PTPRD: variants seen among roughly 807,000 people sequenced by gnomAD.
PTPRD encodes the protein protein tyrosine phosphatase receptor type D.
A neutral mutation model predicts 214.5 loss-of-function variants in PTPRD; 34 were observed. That is an observed-to-expected ratio of 0.16 (90% CI 0.12 to 0.21). The LOEUF is 0.21. Ranked by LOEUF, PTPRD falls within the 10% of genes least tolerant of loss-of-function variation. PTPRD has a pLI of 1.00. For synonymous variants in PTPRD, 1,128 were observed against 845.7 expected, an observed-to-expected ratio of 1.33 and a Z score of -5.79; for missense variants, 2,545 against 2,398.7, an observed-to-expected ratio of 1.06 and a Z score of -1.27.
chr9:10,483,181 G>A (rs2099111540), intron 2 of PTPRD, among the ~76,000 whole-genome samples: 1 of 151,968 alleles, frequency 6.6e-6, no homozygotes, highest in South Asian at 2.1e-4. Context: ...CACAAATTGG[G>A]GAAAGGACAT....
intron 9 of PTPRD, among the ~76,000 whole-genome samples, chr9:9,330,029 C>G (rs1239486154): frequency 6.6e-6 from 1 of 152,096 alleles, no homozygotes; most frequent in Non-Finnish European, 1.5e-5. Flanking sequence ...ACAGGCTTGA[C>G]TAAAAATTTA....
intron 14 of PTPRD, among the ~76,000 whole-genome samples, chr9:8,560,457 ACAC>A (rs1228525677): frequency 1.4e-5 from 2 of 138,342 alleles, no homozygotes. Flanking sequence ...ACACACACAC[ACAC>A]ACACACACAC....
chr9:9,348,163 A>AT (rs1389255541), intron 9 of PTPRD, among the ~76,000 whole-genome samples: 2 of 152,158 alleles, frequency 1.3e-5, no homozygotes, highest in Non-Finnish European at 2.9e-5. Context: ...TTGATTTGGT[A>AT]TCTTTAGAAA....
chr9:8,815,107 A>C (rs1306074162), intron 11 of PTPRD, among the ~76,000 whole-genome samples: 1 of 138,898 alleles, frequency 7.2e-6, no homozygotes, highest in Non-Finnish European at 1.5e-5. Flanking sequence ...TATATAATTT[A>C]GTTTTTTTTT....
chr9:8,984,018 G>C (rs945742214), intron 11 of PTPRD, among the ~76,000 whole-genome samples: 2 of 151,860 alleles, frequency 1.3e-5, no homozygotes, highest in African/African-American at 4.8e-5. Context: ...TCTAAATAGT[G>C]GCAATTTCTA....
chr9:9,830,589 G>C (rs774166258), intron 5 of PTPRD, among the ~76,000 whole-genome samples: 1 of 151,902 alleles, frequency 6.6e-6, no homozygotes, highest in Non-Finnish European at 1.5e-5. Flanking sequence ...AGTCAACAAA[G>C]GGAACAGAGC....
chr9:8,605,956 T>A (rs1373836149), intron 14 of PTPRD, among the ~76,000 whole-genome samples: 1 of 152,128 alleles, frequency 6.6e-6, no homozygotes, highest in Non-Finnish European at 1.5e-5. Context: ...TTTGTTTTTA[T>A]TTTTCGGGGA....
intron 2 of PTPRD, among the ~76,000 whole-genome samples, chr9:10,357,348 G>A (rs9298656): frequency 0.23 from 35,504 of 152,012 alleles, 4,225 homozygotes; most frequent in South Asian, 0.28. Context: ...ACTTGGATTC[G>A]TTCCTTGATA....
At chr9:9,810,712 T>C (rs985781618) in intron 5 of PTPRD, among the ~76,000 whole-genome samples, 71 of 152,262 alleles carry the variant, frequency 4.7e-4, no homozygotes, top group African/African-American at 1.6e-3. Flanking sequence ...TCAATGTTTT[T>C]ATGCCTGCTA....
intron 2 of PTPRD, among the ~76,000 whole-genome samples, chr9:10,478,400 G>C (rs924625447): frequency 2.0e-5 from 3 of 152,150 alleles, no homozygotes; most frequent in African/African-American, 4.8e-5. Flanking sequence ...CTTGATACCT[G>C]TACAAAGGAG....
intron 8 of PTPRD, among the ~76,000 whole-genome samples, chr9:9,529,183 T>C (rs828820): frequency 0.29 from 43,929 of 151,346 alleles, 6,616 homozygotes; most frequent in Non-Finnish European, 0.32. Flanking sequence ...CCGCCCGCCT[T>C]GGCCTCCCAA....
chr9:8,582,465 T>C (rs1048293132), intron 14 of PTPRD, among the ~76,000 whole-genome samples: 5 of 152,202 alleles, frequency 3.3e-5, no homozygotes, highest in East Asian at 1.9e-4. Flanking sequence ...ATGAGGTAGA[T>C]AGGCTAGTCC....
intron 3 of PTPRD, among the ~76,000 whole-genome samples, chr9:10,172,756 A>G (rs1208724762): frequency 6.6e-6 from 1 of 152,170 alleles, no homozygotes; most frequent in African/African-American, 2.4e-5. Flanking sequence ...ATTAAATCCA[A>G]TCACAGGCCT....
chr9:10,111,325 G>A (rs1371772816), intron 3 of PTPRD, among the ~76,000 whole-genome samples: 12 of 121,958 alleles, frequency 9.8e-5, no homozygotes, highest in Admixed American at 4.3e-4. Context: ...TGCAAGCTCC[G>A]CCTCCTGGGT....
intron 11 of PTPRD, among the ~76,000 whole-genome samples, chr9:8,895,578 C>T (rs571384479): frequency 1.3e-5 from 2 of 152,242 alleles, no homozygotes; most frequent in South Asian, 2.1e-4. Flanking sequence ...ATAAAATGTC[C>T]TTTGTAGCAT....
chr9:10,600,389 A>G (rs1271911565), intron 2 of PTPRD, among the ~76,000 whole-genome samples: 1 of 151,766 alleles, frequency 6.6e-6, no homozygotes, highest in Non-Finnish European at 1.5e-5. Context: ...TGCGTGCCAC[A>G]AGCCCAGAAA....
At chr9:8,846,037 C>G (rs920954751) in intron 11 of PTPRD, among the ~76,000 whole-genome samples, 1 of 152,184 alleles carries the variant, frequency 6.6e-6, no homozygotes, top group Admixed American at 6.5e-5. Flanking sequence ...TTAAGTGCAT[C>G]TGGGAATTGC....
At chr9:10,556,288 G>A (rs833414) in intron 2 of PTPRD, among the ~76,000 whole-genome samples, 122,873 of 151,856 alleles carry the variant, frequency 0.81, 49,872 homozygotes, top group East Asian at 0.95. Context: ...AAAATAATTC[G>A]AAATTTTACA....
chr9:9,574,314 G>A (rs908076101), intron 8 of PTPRD, among the ~76,000 whole-genome samples: 6 of 151,968 alleles, frequency 3.9e-5, no homozygotes, highest in African/African-American at 7.2e-5. Context: ...ACTTCCTGGA[G>A]CTCTAACATC....
Sources: gnomAD v4.1 joint callset for allele counts (sites outside exome capture counted in the v4.1 genomes callset) on GRCh38, gnomAD v4.1.1 for gene constraint, MANE v1.5 for transcripts, NCBI Gene and HGNC (gene_info 2026-07-23, HGNC 2026-07-21) for gene names.